The following FAM193A variants were observed in gnomAD, a reference collection of about 807,000 sequenced individuals.
The protein encoded by FAM193A is family with sequence similarity 193 member A.
A neutral mutation model predicts 126.5 loss-of-function variants in FAM193A; 22 were observed. The observed-to-expected ratio is 0.17, with a 90% confidence interval of 0.12 to 0.25. The LOEUF (loss-of-function observed/expected upper bound fraction) is 0.25. Among genes scored for constraint, FAM193A ranks in the 10% least tolerant of loss-of-function variants. The pLI is 1.00. For missense variants in FAM193A, 1,675 were observed against 1,672.8 expected, an observed-to-expected ratio of 1.00 and a Z score of -0.02; for synonymous variants, 761 against 646.8, an observed-to-expected ratio of 1.18 and a Z score of -2.68.
intron 20 of FAM193A, among the ~76,000 whole-genome samples, chr4:2,717,746 C>T (rs1205440929): frequency 7.4e-6 from 1 of 135,344 alleles, no homozygotes; most frequent in Non-Finnish European, 1.6e-5. Flanking sequence ...CAGAGCAAGA[C>T]CCTGTCTGAA....
intron 2 of FAM193A, among the ~76,000 whole-genome samples, chr4:2,613,849 C>G (rs916722269): frequency 1.3e-5 from 2 of 151,336 alleles, no homozygotes; most frequent in Admixed American, 6.6e-5. Context: ...TCACTGCAAC[C>G]TCTGTCTCCT....
intron 1 of FAM193A, among the ~76,000 whole-genome samples, chr4:2,568,017 C>G (rs1739070843): frequency 1.3e-5 from 2 of 152,174 alleles, no homozygotes; most frequent in South Asian, 4.1e-4. Flanking sequence ...TACTTCTCGT[C>G]TCCATTTCCC....
intron 1 of FAM193A, among the ~76,000 whole-genome samples, chr4:2,541,078 C>G (rs1366317973): frequency 6.6e-6 from 1 of 151,886 alleles, no homozygotes; most frequent in Non-Finnish European, 1.5e-5. Flanking sequence ...TGAGACCAGC[C>G]TGAGAAACAT....
chr4:2,612,262 G>A (rs1321374511), intron 2 of FAM193A, among the ~76,000 whole-genome samples: 2 of 151,952 alleles, frequency 1.3e-5, no homozygotes, highest in African/African-American at 4.8e-5. Context: ...AGCACTTTGG[G>A]AGGCTGAGAC....
At chr4:2,681,029 G>C (rs1715052995) in intron 13 of FAM193A, among the ~76,000 whole-genome samples, 1 of 151,932 alleles carries the variant, frequency 6.6e-6, no homozygotes, top group African/African-American at 2.4e-5. Flanking sequence ...TTGCTCTGTT[G>C]CCCAGGCTGG....
intron 1 of FAM193A, among the ~76,000 whole-genome samples, chr4:2,575,283 A>G (rs1739522206): frequency 6.6e-6 from 1 of 152,210 alleles, no homozygotes; most frequent in East Asian, 1.9e-4. Flanking sequence ...GTGGTACACC[A>G]GGGACTTGGA....
intron 17 of FAM193A, 55 bp downstream of exon 17, chr4:2,695,184 C>G: frequency 6.9e-7 from 1 of 1,444,862 alleles, no homozygotes; most frequent in South Asian, 1.5e-5. Context: ...CACACGGGCT[C>G]CTTTGCAGAA....
intron 2 of FAM193A, chr4:2,608,235 G>C: frequency 1.1e-6 from 1 of 937,516 alleles, no homozygotes; most frequent in South Asian, 1.7e-5. Flanking sequence ...ATGGAGTGCA[G>C]TGGTGCAATC....
chr4:2,579,010 G>T (rs1428931282), intron 1 of FAM193A, among the ~76,000 whole-genome samples: 4 of 151,924 alleles, frequency 2.6e-5, no homozygotes, highest in Non-Finnish European at 5.9e-5. Context: ...CTGTCACCCA[G>T]GCTGGAATGC....
Position 2,732,125 on chromosome 4 carries a change from C to T in FAM193A, c.*257C>T. On this transcript the variant is annotated 3_prime_UTR_variant, in exon 21 of 21. Coordinates refer to ENST00000637812, the MANE Select transcript of FAM193A (RefSeq NM_001366318.2). Reference sequence around the variant, plus strand: ...AACAGTAGTTCCCGCCAAGTCCTCCCACCACCGCGGCCTCGGAGGCCTGGG... The same window carrying T: ...AACAGTAGTTCCCGCCAAGTCCTCCTACCACCGCGGCCTCGGAGGCCTGGG... 1 of 512,168 alleles carries T rather than the reference C, an allele frequency of 2.0e-6. No homozygotes were observed. The highest frequency in any genetic ancestry group is 3.6e-6 in the Non-Finnish European group (1 of 281,618). The allele number at this position is 512,168 out of a possible 1,614,324, so 31.7% of individuals were successfully genotyped here. A position where few individuals can be genotyped will look rare whatever the true frequency, so the allele number is the denominator to read the frequency against.
At chr4:2,723,590 T>G (rs191249583) in intron 20 of FAM193A, among the ~76,000 whole-genome samples, 7 of 151,870 alleles carry the variant, frequency 4.6e-5, no homozygotes, top group Admixed American at 2.6e-4. Flanking sequence ...AAAAAAAGTT[T>G]GAAGTAAAAA....
chr4:2,689,444 C>A, intron 13 of FAM193A, 62 bp from the exon 14 acceptor site: 1 of 1,253,000 alleles, frequency 8.0e-7, no homozygotes, highest in Non-Finnish European at 1.1e-6. Flanking sequence ...TGTAGTTTAA[C>A]TACTTACCTA....
At chr4:2,641,648 C>G (rs143813579) in intron 6 of FAM193A, among the ~76,000 whole-genome samples, 1 of 152,178 alleles carries the variant, frequency 6.6e-6, no homozygotes, top group East Asian at 2.0e-4. Flanking sequence ...GAGCGAGACT[C>G]CATCTGAAAA....
intron 2 of FAM193A, among the ~76,000 whole-genome samples, chr4:2,605,917 G>C (rs2108930872): frequency 8.3e-6 from 1 of 120,076 alleles, no homozygotes; most frequent in African/African-American, 3.1e-5. Flanking sequence ...GTTGCAGTGA[G>C]CTGAGATTGC....
At chr4:2,710,651 C>T (rs558040830) in intron 19 of FAM193A, among the ~76,000 whole-genome samples, 73 of 152,024 alleles carry the variant, frequency 4.8e-4, no homozygotes, top group Middle Eastern at 3.4e-3. Flanking sequence ...CACAGGTGGG[C>T]ACCACCACAC....
intron 2 of FAM193A, among the ~76,000 whole-genome samples, chr4:2,601,852 T>A (rs923313362): frequency 3.9e-5 from 6 of 152,316 alleles, no homozygotes; most frequent in South Asian, 4.1e-4. Flanking sequence ...ATTATTATTA[T>A]TTTTAAGATA....
rs1252349171 is a variant in FAM193A at position 2,646,852 on chromosome 4, AC to A, written c.1311+22del. ...GAGCAGGTGAGTGCCACCCGGGACC[AC>A]CGCACCCCGCGCACATCCTCAGACG... On this transcript the variant is annotated intron_variant, in intron 7 of 20. Coordinates refer to ENST00000637812, the MANE Select transcript of FAM193A (RefSeq NM_001366318.2). 1.9e-6 allele frequency: 3 copies of A among 1,603,110 alleles called. No individual in the cohort carries two copies. The Admixed American group carries it at 5.1e-5, about 27-fold the overall frequency.
chr4:2,588,196 C>T (rs1175494354), intron 1 of FAM193A, among the ~76,000 whole-genome samples: 2 of 152,230 alleles, frequency 1.3e-5, no homozygotes, highest in African/African-American at 4.8e-5. Flanking sequence ...TCGAGATCCC[C>T]ACATCTACTC....
At chr4:2,631,294 C>T (rs2092303152) in intron 5 of FAM193A, 125 bp downstream of exon 5, 13 of 799,138 alleles carry the variant, frequency 1.6e-5, no homozygotes, top group Non-Finnish European at 2.3e-5. Flanking sequence ...TGATAGGCCC[C>T]TCTTCTCTAC....
Sources: allele counts gnomAD v4.1 joint callset (sites outside exome capture counted in the v4.1 genomes callset), GRCh38; gene constraint gnomAD v4.1.1; transcripts MANE v1.5; gene names NCBI Gene and HGNC (gene_info 2026-07-23, HGNC 2026-07-21).